Variants in PARP16 observed in about 807,000 individuals in gnomAD.
PARP16 encodes protein mono-ADP-ribosyltransferase PARP16.
Under a neutral mutation model 35.0 loss-of-function variants are expected in PARP16, and 31 were observed. That is an observed-to-expected ratio of 0.88 (90% CI 0.66 to 1.19). PARP16 has a LOEUF of 1.19. PARP16 is among the 50% of genes most tolerant of loss of function. The pLI, the probability that PARP16 is intolerant of heterozygous loss-of-function variation, is 0.00. For missense variants in PARP16, 424 were observed against 411.2 expected (o/e 1.03, Z -0.27); for synonymous variants, 162 against 169.5 (o/e 0.96, Z 0.34).
downstream of PARP16, among the ~76,000 whole-genome samples, chr15:65,234,022 A>G (rs2088818830): frequency 6.6e-6 from 1 of 152,214 alleles, no homozygotes. Context: ...ATATTGAGAT[A>G]GTTGGACTAG....
At chr15:65,270,799 G>T in intron 2 of PARP16, 136 bp downstream of exon 2, 1 of 817,554 alleles carries the variant, frequency 1.2e-6, no homozygotes. Context: ...AAAGTCTAAA[G>T]GTGAGGACCA....
At chr15:65,233,060 A>G (rs1009910178), downstream of PARP16, among the ~76,000 whole-genome samples, 8 of 152,238 alleles carry the variant, frequency 5.3e-5, no homozygotes, top group Non-Finnish European at 7.3e-5. Context: ...CGCAAGATGA[A>G]TAAGTTCTAG....
chr15:65,270,437 T>A (rs504766), intron 2 of PARP16, among the ~76,000 whole-genome samples: 1 of 152,040 alleles, frequency 6.6e-6, no homozygotes, highest in Non-Finnish European at 1.5e-5. Flanking sequence ...CTCCTTTGAG[T>A]TCTGCCTCTC....
intron 1 of PARP16, among the ~76,000 whole-genome samples, chr15:65,273,396 G>A (rs753424982): frequency 2.8e-4 from 42 of 151,988 alleles, no homozygotes; most frequent in Non-Finnish European, 4.6e-4. Flanking sequence ...AGAGCCAGGT[G>A]TGGGGGCTCA....
At chr15:65,246,173 G>A (rs1300868245) in intron 3 of PARP16, among the ~76,000 whole-genome samples, 1 of 152,104 alleles carries the variant, frequency 6.6e-6, no homozygotes, top group Non-Finnish European at 1.5e-5. Flanking sequence ...CAGCAACCCT[G>A]GCTGCACCCT....
rs781464116 is a variant in PARP16, at chr15:65,263,173, C to T, written c.667G>A (p.Val223Ile). 2.1e-5 allele frequency: 34 copies of T among 1,613,912 alleles called. No homozygotes were observed. The South Asian group carries it at 2.4e-4, about 11-fold the overall frequency. ...AVCEVIDHPDVKCQTKKKDSK... is the reference protein window; with the variant it reads ...AVCEVIDHPDIKCQTKKKDSK... Reference sequence around the variant, plus strand: ...CCCTTCTTCTTGGTTTGGCACTTGACGTCCGGATGGTCAATGACCTCACAC... The same window carrying T: ...CCCTTCTTCTTGGTTTGGCACTTGATGTCCGGATGGTCAATGACCTCACAC... The change falls in exon 4 of 6, where the codon GTC becomes ATC. Residue 223 changes from valine (V) to isoleucine (I), a missense_variant. Coordinates refer to ENST00000649807, the MANE Select transcript of PARP16 (RefSeq NM_001316943.2).
At chr15:65,277,486 AC>A (rs1412846851) in intron 1 of PARP16, among the ~76,000 whole-genome samples, 7 of 152,170 alleles carry the variant, frequency 4.6e-5, no homozygotes, top group Middle Eastern at 3.2e-3. Context: ...ATTAATTTGA[AC>A]CCTTACAGGT....
At chr15:65,246,100 C>A (rs778485413) in intron 3 of PARP16, among the ~76,000 whole-genome samples, 10 of 152,094 alleles carry the variant, frequency 6.6e-5, no homozygotes, top group Non-Finnish European at 1.3e-4. Context: ...CCAGGCAGAC[C>A]CTCTCCCTGC....
chr15:65,269,174 T>TCTCTCTCTCTCTCTC (rs60229565), intron 2 of PARP16, among the ~76,000 whole-genome samples: 1,517 of 146,796 alleles, frequency 0.01, 35 homozygotes, highest in African/African-American at 0.031. Context: ...TTTAGTCGGT[T>TCTCTCTCTCTCTCTC]TTTTTCTTTC....
rs1288817626 is a variant in PARP16, at chr15:65,286,270, T to C, written c.157A>G (p.Lys53Glu). 4 of 1,589,266 alleles carry C rather than the reference T, an allele frequency of 2.5e-6. No homozygotes were observed. ...FPASYARGDC[K>E]DFEALLADAS... is the part of the protein sequence containing the mutation. ...ACACTCACCAGGGCTTCAAAGTCCTTACAGTCGCCGCGGGCGTAGGACGCG... is the reference window on the plus strand; with the variant it reads ...ACACTCACCAGGGCTTCAAAGTCCTCACAGTCGCCGCGGGCGTAGGACGCG... Residue 53 changes from lysine to glutamate, a missense_variant, in exon 1 of 6, where the codon AAG becomes GAG. By Grantham distance (56) the Lys-to-Glu change is moderately conservative (BLOSUM62 1). Coordinates refer to ENST00000649807, the MANE Select transcript of PARP16 (RefSeq NM_001316943.2).
intron 3 of PARP16, among the ~76,000 whole-genome samples, chr15:65,239,016 A>C (rs2088964368): frequency 6.6e-6 from 1 of 152,156 alleles, no homozygotes; most frequent in Non-Finnish European, 1.5e-5. Flanking sequence ...CTGTAGTCCC[A>C]GCTACTTGGG....
intron 1 of PARP16, among the ~76,000 whole-genome samples, chr15:65,275,008 T>C (rs1190393388): frequency 6.6e-6 from 1 of 151,618 alleles, no homozygotes; most frequent in African/African-American, 2.4e-5. Context: ...CCAGCTACTC[T>C]GGAGACTGAG....
At chr15:65,267,452 A>C (rs2089934609) in intron 2 of PARP16, among the ~76,000 whole-genome samples, 1 of 149,512 alleles carries the variant, frequency 6.7e-6, no homozygotes, top group South Asian at 2.1e-4. Flanking sequence ...CTAAAAATAC[A>C]AAAAATTAGC....
At chr15:65,247,538 G>C (rs2089241335) in intron 3 of PARP16, among the ~76,000 whole-genome samples, 1 of 151,592 alleles carries the variant, frequency 6.6e-6, no homozygotes, top group Non-Finnish European at 1.5e-5. Flanking sequence ...TAATGATGAG[G>C]TGATCTAACC....
At chr15:65,266,484 G>T (rs1343224903) in intron 3 of PARP16, 78 bp downstream of exon 3, 4 of 1,242,818 alleles carry the variant, frequency 3.2e-6, no homozygotes, top group Non-Finnish European at 2.4e-6. Context: ...AACTCCTAGG[G>T]TTCTGAATCT....
chr15:65,242,246 A>G (rs1259604196), intron 3 of PARP16, among the ~76,000 whole-genome samples: 3 of 152,204 alleles, frequency 2.0e-5, no homozygotes, highest in Non-Finnish European at 4.4e-5. Context: ...CTTTACATCA[A>G]TACCACACTG....
At chr15:65,273,397 T>C (rs1218866087) in intron 1 of PARP16, among the ~76,000 whole-genome samples, 2 of 151,746 alleles carry the variant, frequency 1.3e-5, no homozygotes, top group African/African-American at 2.4e-5. Flanking sequence ...GAGCCAGGTG[T>C]GGGGGCTCAT....
intron 2 of PARP16, among the ~76,000 whole-genome samples, chr15:65,269,121 G>C (rs2090001556): frequency 6.6e-6 from 1 of 151,972 alleles, no homozygotes; most frequent in Admixed American, 6.6e-5. Context: ...TATAGTCCCA[G>C]TTACCCAAGA....
intron 2 of PARP16, among the ~76,000 whole-genome samples, chr15:65,269,242 G>A (rs1391407061): frequency 7.1e-6 from 1 of 140,190 alleles, no homozygotes; most frequent in Non-Finnish European, 1.5e-5. Flanking sequence ...TGTTGCCCCG[G>A]CTGGAGTGCA....
Sources: allele counts gnomAD v4.1 joint callset (sites outside exome capture counted in the v4.1 genomes callset), GRCh38; gene constraint gnomAD v4.1.1; transcripts MANE v1.5; gene names NCBI Gene and HGNC (gene_info 2026-07-23, HGNC 2026-07-21).